The following NLRP6 variants were observed in gnomAD, a reference collection of about 807,000 sequenced individuals.
The protein encoded by NLRP6 is NACHT, LRR and PYD domains-containing protein 6.
Under a neutral mutation model 70.9 loss-of-function variants are expected in NLRP6, and 55 were observed. The observed-to-expected ratio is 0.78, with a 90% CI of 0.62 to 0.97. The LOEUF (loss-of-function observed/expected upper bound fraction) is 0.97. Ranked by LOEUF, NLRP6 falls within the 50% of genes least tolerant of loss-of-function variation. NLRP6 has a pLI of 0.00. For synonymous variants in NLRP6, 652 were observed against 581.9 expected (o/e 1.12, Z -1.73); for missense variants, 1,241 against 1,238.3 (o/e 1.00, Z -0.03).
At chr11:283,225 C>A (rs373782409) in intron 5 of NLRP6, among the ~76,000 whole-genome samples, 3 of 151,962 alleles carry the variant, frequency 2.0e-5, no homozygotes, top group Non-Finnish European at 4.4e-5. Flanking sequence ...TCCATCTGTC[C>A]GAGCTTCCAT....
At chr11:283,311 CTTTT>C (rs34619806) in intron 5 of NLRP6, among the ~76,000 whole-genome samples, 2 of 115,454 alleles carry the variant, frequency 1.7e-5, no homozygotes, top group Admixed American at 2.0e-4. Flanking sequence ...ATGTACAGTT[CTTTT>C]TTTTTTTTTT....
intron 7 of NLRP6, among the ~76,000 whole-genome samples, 170 bp downstream of exon 7, chr11:284,812 T>A (rs2134011634): frequency 6.6e-6 from 1 of 152,344 alleles, no homozygotes; most frequent in African/African-American, 2.4e-5. Context: ...CCCTGCCCTC[T>A]GAAGCCCTGG....
chr11:284,628 C>A lies in NLRP6; in HGVS notation c.2523C>A (p.Gly841=), dbSNP rs747790311. Residue 841 remains glycine, a synonymous_variant, in exon 7 of 8, where the codon GGC becomes GGA. Coordinates refer to ENST00000534750, the MANE Select transcript of NLRP6 (RefSeq NM_001276700.2). ...LCAVLQHQGC[G]LQTLSLASVE... is the part of the protein sequence containing the mutation. ...CAGTCCTGCAGCACCAGGGATGCGG[C>A]CTGCAGACCCTCAGGTGGAGGCAGG... The A allele has an allele frequency of 2.5e-6, 4 of 1,606,382 alleles. No homozygotes were observed. In the Admixed American group the frequency reaches 5.0e-5, roughly 20 times the overall value.
At chr11:283,582 GGATCA>G (rs1320723916) in intron 5 of NLRP6, among the ~76,000 whole-genome samples, 2 of 152,002 alleles carry the variant, frequency 1.3e-5, no homozygotes, top group African/African-American at 4.8e-5. Context: ...CAAAGTGCTG[GGATCA>G]CAGGCATGAG....
Position 280,311 on chromosome 11 carries a change from C to A in NLRP6, c.577C>A (p.Arg193=). Residue 193 remains arginine (R), a synonymous_variant, in exon 4 of 8, where the codon CGG becomes AGG. Coordinates refer to ENST00000534750, the MANE Select transcript of NLRP6 (RefSeq NM_001276700.2). ...NRLFRRDEEG[R]RPLTVVLQGP... ...CCTCTTCCGCCGCGACGAGGAGGGC[C>A]GGCGGCCGCTGACCGTGGTGCTGCA... 1 of 1,498,722 alleles carries A rather than the reference C, an allele frequency of 6.7e-7. No individual in the cohort carries two copies. Among genetic ancestry groups the A allele is most frequent in the South Asian group, 1.3e-5 (1 of 77,698 alleles). 92.8% of individuals were successfully genotyped at this position (1,498,722 alleles called of 1,614,324 possible). A position where few individuals can be genotyped will look rare whatever the true frequency, so the allele number is the denominator to read the frequency against.
chr11:278,749 C>T lies in NLRP6; in HGVS notation c.29+151C>T. On this transcript the variant is annotated intron_variant, in intron 1 of 7. Coordinates refer to ENST00000534750, the MANE Select transcript of NLRP6 (RefSeq NM_001276700.2). This position sits in a 1 kb window ranked among gnomAD's most constrained non-coding sequence, Gnocchi z 4.7. ...CAGGCTCAGGAGCCAAGCACTGCCT[C>T]CCCACAGAGGGCATTTGTGGAGTCT... 1 of 535,456 alleles carries T rather than the reference C, an allele frequency of 1.9e-6. No individual in the cohort carries two copies. The highest frequency in any genetic ancestry group is 3.2e-6 in the Non-Finnish European group (1 of 310,010). 33.2% of individuals were successfully genotyped at this position (535,456 alleles called of 1,614,324 possible). A position where few individuals can be genotyped will look rare whatever the true frequency, so the allele number is the denominator to read the frequency against.
rs1845423107 is a variant in NLRP6 at position 278,682 on chromosome 11, G to C, written c.29+84G>C. On this transcript the variant is annotated intron_variant, in intron 1 of 7. Coordinates refer to ENST00000534750, the MANE Select transcript of NLRP6 (RefSeq NM_001276700.2). The surrounding 1 kb of genome is among the most constrained non-coding windows in gnomAD (Gnocchi z 4.7). ...TCCACCTCACCCGCTGACTTCCTCA[G>C]GCTCTCCACCCTTGTCCACATCCTT... The C allele has an allele frequency of 1.8e-6, 2 of 1,111,436 alleles. No homozygotes were observed. The highest frequency in any genetic ancestry group is 3.0e-5 in the South Asian group (2 of 65,684). 68.8% of individuals were successfully genotyped at this position (1,111,436 alleles called of 1,614,324 possible).
chr11:280,306 AG>A lies in NLRP6; in HGVS notation c.575del (p.Gly192AlafsTer5). ...TFNRLFRRDE[E>X]GRRPLTVVLQ... is the part of the protein sequence containing the mutation. ...AACCGCCTCTTCCGCCGCGACGAGG[AG>A]GGCCGGCGGCCGCTGACCGTGGTGC... is the stretch of plus-strand genomic sequence containing the variant. On this transcript the variant is annotated frameshift_variant, in exon 4 of 8. Coordinates refer to ENST00000534750, the MANE Select transcript of NLRP6 (RefSeq NM_001276700.2). LOFTEE classifies it high-confidence loss of function. 2 of 1,498,988 alleles carry A rather than the reference AG, an allele frequency of 1.3e-6. No individual in the cohort carries two copies. The highest frequency in any genetic ancestry group is 1.8e-6 in the Non-Finnish European group (2 of 1,125,660). 92.9% of individuals were successfully genotyped at this position (1,498,988 alleles called of 1,614,324 possible).
rs1277187448 is a variant in NLRP6 at position 280,829 on chromosome 11, G to A, written c.1095G>A (p.Glu365=). Residue 365 remains glutamate (E), a synonymous_variant, in exon 4 of 8, where the codon GAG becomes GAA. Coordinates refer to ENST00000534750, the MANE Select transcript of NLRP6 (RefSeq NM_001276700.2). ...KKYFYKYFRD[E]RRAERAYRFV... ...ATTTCTACAAGTATTTCCGGGATGA[G>A]AGGAGGGCCGAGCGCGCCTACCGCT... The A allele has an allele frequency of 1.9e-6, 3 of 1,613,142 alleles. No homozygotes were observed. The Admixed American group carries it at 5.0e-5, about 27-fold the overall frequency.
chr11:283,073 AAG>A (rs1845501024), intron 5 of NLRP6, among the ~76,000 whole-genome samples: 1 of 152,146 alleles, frequency 6.6e-6, no homozygotes, highest in Admixed American at 6.6e-5. Context: ...TAAAGAAGAC[AAG>A]AGTGTATTTT....
Position 279,502 on chromosome 11 carries a change from G to A in NLRP6, c.205G>A (p.Ala69Thr), listed in dbSNP as rs756017396. 6.9e-7 allele frequency: 1 copy of A among 1,456,390 alleles called. No homozygotes were observed. Among genetic ancestry groups the A allele is most frequent in the Non-Finnish European group, 9.0e-7 (1 of 1,105,610 alleles). The allele number at this position is 1,456,390 out of a possible 1,614,324, so 90.2% of individuals were successfully genotyped here. Residue 69 changes from alanine (A) to threonine (T), a missense_variant, in exon 2 of 8, where the codon GCC becomes ACC. By Grantham distance (58) the Ala-to-Thr change is moderately conservative (BLOSUM62 0). Transcript: ENST00000534750. ...ADAVDLAEQL[A>T]QFYGPEPALE... is the part of the protein sequence containing the mutation. ...CGCCGTGGACCTCGCGGAGCAGCTG[G>A]CCCAGTTCTACGGCCCGGAGCCTGC...
Position 281,221 on chromosome 11 carries a change from A to G in NLRP6, c.1487A>G (p.Gln496Arg). Residue 496 changes from glutamine (Q) to arginine (R), a missense_variant, in exon 4 of 8, where the codon CAG becomes CGG. Gln to Arg is a conservative substitution (Grantham distance 43). Transcript: ENST00000534750. ...PGVLETEVTY[Q>R]FIDQSFQEFL... Reference sequence around the variant, plus strand: ...GTGCTGGAGACAGAGGTCACCTACCAGTTCATCGACCAGAGCTTCCAGGAG... The same window carrying G: ...GTGCTGGAGACAGAGGTCACCTACCGGTTCATCGACCAGAGCTTCCAGGAG... 3 of 1,613,244 alleles carry G rather than the reference A, an allele frequency of 1.9e-6. No individual in the cohort carries two copies. The highest frequency in any genetic ancestry group is 2.2e-5 in the South Asian group (2 of 91,086).
chr11:284,977 C>CT (rs1845537468), intron 7 of NLRP6, among the ~76,000 whole-genome samples, 189 bp from the exon 8 acceptor site: 4 of 152,106 alleles, frequency 2.6e-5, no homozygotes, highest in Admixed American at 2.6e-4. Context: ...AACCTCTCAA[C>CT]TGACACCACC....
chr11:282,667 G>A (rs1263175718), intron 4 of NLRP6, 38 bp from the exon 5 acceptor site: 3 of 1,508,968 alleles, frequency 2.0e-6, no homozygotes, highest in Non-Finnish European at 2.8e-6. Flanking sequence ...GCACTGTGAG[G>A]AGCAGGGTGG....
At chr11:279,237 C>A in intron 1 of NLRP6, 90 bp from the exon 2 acceptor site, 3 of 1,120,304 alleles carry the variant, frequency 2.7e-6, no homozygotes, top group Non-Finnish European at 3.4e-6. Context: ...TGAGGCCCTG[C>A]CCGCGGTGGG....
chr11:284,726 C>A, intron 7 of NLRP6, 84 bp downstream of exon 7: 2 of 1,332,212 alleles, frequency 1.5e-6, no homozygotes, highest in Non-Finnish European at 2.0e-6. Flanking sequence ...CCCCCTGGAC[C>A]CTGAAGAGGG....
Position 284,659 on chromosome 11 carries a change from G to A in NLRP6, c.2537+17G>A, listed in dbSNP as rs1845533051. On this transcript the variant is annotated intron_variant, in intron 7 of 7. Coordinates refer to ENST00000534750, the MANE Select transcript of NLRP6 (RefSeq NM_001276700.2). ...GACCCTCAGGTGGAGGCAGGGGTGG[G>A]AAGGGTGCTGGGGACACAGCCTGTC... The A allele has an allele frequency of 1.9e-6, 3 of 1,591,348 alleles. No individual in the cohort carries two copies. The highest frequency in any genetic ancestry group is 1.3e-5 in the African/African-American group (1 of 74,696).
At chr11:279,052 GC>G (rs1335960646) in intron 1 of NLRP6, 2 of 371,344 alleles carry the variant, frequency 5.4e-6, no homozygotes, top group Non-Finnish European at 9.6e-6. Flanking sequence ...GGAGGAAGGT[GC>G]CCCCCAGAGC....
In NLRP6 at chr11:278,963, G is replaced by A. The variant is rs1389328249; in HGVS notation, c.30-364G>A. 8.6e-6 allele frequency: 3 copies of A among 347,806 alleles called. No individual in the cohort carries two copies. Among genetic ancestry groups the A allele is most frequent in the African/African-American group, 2.1e-5 (1 of 47,320 alleles). The allele number at this position is 347,806 out of a possible 1,614,324, so 21.5% of individuals were successfully genotyped here. A position where few individuals can be genotyped will look rare whatever the true frequency, so the allele number is the denominator to read the frequency against. ...GGAAAGCGAGGAAAGAGAGCTCAGG[G>A]TTCCTTGGAAATACCTCCCTCGGGG... On this transcript the variant is annotated intron_variant, in intron 1 of 7. Coordinates refer to ENST00000534750, the MANE Select transcript of NLRP6 (RefSeq NM_001276700.2). This position sits in a 1 kb window ranked among gnomAD's most constrained non-coding sequence, Gnocchi z 4.7.
Sources: gnomAD v4.1 joint callset for allele counts (sites outside exome capture counted in the v4.1 genomes callset) on GRCh38, gnomAD v4.1.1 for gene constraint, Gnocchi (gnomAD v3.1) non-coding constraint, MANE v1.5 for transcripts, NCBI Gene and HGNC (gene_info 2026-07-23, HGNC 2026-07-21) for gene names.